EPHA3: variants seen among roughly 807,000 people sequenced by gnomAD.
The protein encoded by EPHA3 is ephrin type-A receptor 3.
A neutral mutation model predicts 107.1 loss-of-function variants in EPHA3; 42 were observed. The observed-to-expected ratio is 0.39, with a 90% CI of 0.31 to 0.51. The LOEUF is 0.51. EPHA3 is among the 20% of genes least tolerant of loss of function. The pLI, the probability that EPHA3 is intolerant of heterozygous loss-of-function variation, is 0.78. For missense variants in EPHA3, 1,183 were observed against 1,211.2 expected, an observed-to-expected ratio of 0.98 and a Z score of 0.35; for synonymous variants, 461 against 424.8, an observed-to-expected ratio of 1.09 and a Z score of -1.05.
intron 3 of EPHA3, among the ~76,000 whole-genome samples, chr3:89,335,472 A>G (rs544603345): frequency 6.6e-5 from 10 of 152,180 alleles, no homozygotes; most frequent in Non-Finnish European, 1.2e-4. Context: ...CATCATAGCA[A>G]GTGTCTAGGT....
At chr3:89,119,937 A>G (rs1707340259) in intron 1 of EPHA3, among the ~76,000 whole-genome samples, 1 of 152,170 alleles carries the variant, frequency 6.6e-6, no homozygotes, top group Non-Finnish European at 1.5e-5. Context: ...CATTAGAGTT[A>G]TTCTGTAGGC....
intron 2 of EPHA3, among the ~76,000 whole-genome samples, chr3:89,155,219 A>AT (rs1332465889): frequency 1.3e-5 from 2 of 151,888 alleles, no homozygotes; most frequent in African/African-American, 4.8e-5. Flanking sequence ...GATCTTGTAC[A>AT]TTTTTTATCT....
chr3:89,235,900 A>G (rs1704747159), intron 3 of EPHA3, among the ~76,000 whole-genome samples: 1 of 151,984 alleles, frequency 6.6e-6, no homozygotes, highest in Non-Finnish European at 1.5e-5. Context: ...TAAATAAATA[A>G]TAAAAAGTGG....
intron 3 of EPHA3, among the ~76,000 whole-genome samples, chr3:89,236,859 T>C (rs1443542783): frequency 6.6e-6 from 1 of 152,146 alleles, no homozygotes. Context: ...AGAATATCAA[T>C]AGCCCAGTGT....
At chr3:89,319,554 C>A (rs1706992326) in intron 3 of EPHA3, among the ~76,000 whole-genome samples, 1 of 151,852 alleles carries the variant, frequency 6.6e-6, no homozygotes, top group South Asian at 2.1e-4. Flanking sequence ...TGCGTAGTCA[C>A]CAGAGAGCCA....
At chr3:89,355,830 T>A (rs112856289) in intron 5 of EPHA3, among the ~76,000 whole-genome samples, 42,023 of 148,242 alleles carry the variant, frequency 0.28, 7,143 homozygotes, top group African/African-American at 0.35. Context: ...ATATATATAT[T>A]TTTTATTTTA....
At chr3:89,478,387 T>C (rs1710559030) in intron 16 of EPHA3, among the ~76,000 whole-genome samples, 2 of 152,164 alleles carry the variant, frequency 1.3e-5, no homozygotes, top group Admixed American at 6.5e-5. Context: ...GGGTTATAAA[T>C]GAGGGCAGAG....
chr3:89,448,404 GTTAT>G (rs892805419), intron 13 of EPHA3, among the ~76,000 whole-genome samples: 1 of 152,140 alleles, frequency 6.6e-6, no homozygotes, highest in Non-Finnish European at 1.5e-5. Context: ...GAGCCAGTAT[GTTAT>G]TTATCAGTTT....
intron 11 of EPHA3, among the ~76,000 whole-genome samples, chr3:89,420,822 T>C (rs190387449): frequency 6.6e-6 from 1 of 151,578 alleles, no homozygotes; most frequent in East Asian, 1.9e-4. Flanking sequence ...CCCTTGTACT[T>C]ATGAAGCCAT....
chr3:89,297,651 G>T (rs76460410), intron 3 of EPHA3, among the ~76,000 whole-genome samples: 4 of 152,250 alleles, frequency 2.6e-5, no homozygotes, highest in Non-Finnish European at 5.9e-5. Flanking sequence ...TGGAAAAAGT[G>T]GTGCAGATAG....
chr3:89,478,322 C>T (rs1244825799), intron 16 of EPHA3, among the ~76,000 whole-genome samples: 2 of 152,148 alleles, frequency 1.3e-5, no homozygotes, highest in African/African-American at 4.8e-5. Context: ...CAGCAGCCTC[C>T]CCGAAAACTT....
chr3:89,193,752 T>C (rs1421255867), intron 2 of EPHA3, among the ~76,000 whole-genome samples: 1 of 152,012 alleles, frequency 6.6e-6, no homozygotes, highest in African/African-American at 2.4e-5. Context: ...AATAAACTAC[T>C]TTTTTAGAAA....
chr3:89,396,383 T>C (rs1480649037), intron 6 of EPHA3, among the ~76,000 whole-genome samples: 1 of 152,214 alleles, frequency 6.6e-6, no homozygotes, highest in African/African-American at 2.4e-5. Flanking sequence ...ATTGTGCTAG[T>C]AAGAAAAATA....
chr3:89,322,150 G>A (rs1026381590), intron 3 of EPHA3, among the ~76,000 whole-genome samples: 8 of 151,132 alleles, frequency 5.3e-5, no homozygotes, highest in African/African-American at 9.7e-5. Context: ...GAGAGAGAGA[G>A]AAAACAGTAT....
chr3:89,249,836 AAAAAATAATTGTTTCCT>A (rs1705119627), intron 3 of EPHA3, among the ~76,000 whole-genome samples: 1 of 152,202 alleles, frequency 6.6e-6, no homozygotes. Flanking sequence ...TAATTCAAAT[AAAAAATAATTGTTTCCT>A]GGCCAACATG....
At chr3:89,127,535 T>C (rs780136123) in intron 2 of EPHA3, among the ~76,000 whole-genome samples, 8 of 151,990 alleles carry the variant, frequency 5.3e-5, no homozygotes, top group Admixed American at 1.3e-4. Context: ...TGGCATCATG[T>C]CAATGATCTA....
chr3:89,146,733 A>G lies in EPHA3; in HGVS notation c.153+19460A>G, dbSNP rs181838511. Among the ~76,000 whole-genome samples the G allele has an allele frequency of 8.6e-3, 1,305 of 152,040 alleles. 9 individuals are homozygous for G. Among genetic ancestry groups the G allele is most frequent in the East Asian group, 0.027 (139 of 5,134 alleles). On this transcript the variant is annotated intron_variant, in intron 2 of 16. Coordinates refer to ENST00000336596, the MANE Select transcript of EPHA3 (RefSeq NM_005233.6). ...GTCTTTGCCCATGCCTATGTCCTGA[A>G]TGGTATTGCCTAGGTTTTCTTCTAG...
chr3:89,392,411 C>A (rs1268439444), intron 5 of EPHA3, among the ~76,000 whole-genome samples: 1 of 151,470 alleles, frequency 6.6e-6, no homozygotes, highest in Admixed American at 6.6e-5. Flanking sequence ...GCACTCCAGC[C>A]TGGACAACAA....
chr3:89,270,568 G>A (rs992543478), intron 3 of EPHA3, among the ~76,000 whole-genome samples: 2 of 152,178 alleles, frequency 1.3e-5, no homozygotes, highest in South Asian at 4.1e-4. Context: ...ATAATTAAAT[G>A]CATGACCTCT....
Sources: gnomAD v4.1 joint callset for allele counts (sites outside exome capture counted in the v4.1 genomes callset) on GRCh38, gnomAD v4.1.1 for gene constraint, MANE v1.5 for transcripts, NCBI Gene and HGNC (gene_info 2026-07-23, HGNC 2026-07-21) for gene names.